PALLD: variants seen among roughly 807,000 people sequenced by gnomAD.
The protein encoded by PALLD is palladin.
A neutral mutation model predicts 123.5 loss-of-function variants in PALLD; 61 were observed. That is an observed-to-expected ratio of 0.49 (90% CI 0.40 to 0.61). The LOEUF (loss-of-function observed/expected upper bound fraction) is 0.61. Among genes scored for constraint, PALLD ranks in the 20% least tolerant of loss-of-function variants. PALLD has a pLI of 0.00. For synonymous variants in PALLD, 465 were observed against 496.4 expected (o/e 0.94, Z 0.84); for missense variants, 1,273 against 1,377.0 (o/e 0.92, Z 1.20).
intron 10 of PALLD, chr4:168,833,077 C>CCAGAAGAAACA: frequency 3.9e-5 from 6 of 152,630 alleles, no homozygotes; most frequent in African/African-American, 1.2e-4. Flanking sequence ...CCGGCCCCGC[C>CCAGAAGAAACA]CCGGGGCTGG....
intron 10 of PALLD, among the ~76,000 whole-genome samples, chr4:168,882,264 G>A (rs1450161534): frequency 6.6e-6 from 1 of 152,126 alleles, no homozygotes; most frequent in Non-Finnish European, 1.5e-5. Context: ...CACTATCATC[G>A]TTACTCAAGA....
chr4:168,578,217 A>G (rs994557371), intron 2 of PALLD, among the ~76,000 whole-genome samples: 8 of 152,182 alleles, frequency 5.3e-5, no homozygotes, highest in Admixed American at 4.6e-4. Flanking sequence ...CTAATTGTGA[A>G]TCAAATAGCC....
chr4:168,857,137 C>A (rs1748724230), intron 10 of PALLD, among the ~76,000 whole-genome samples: 1 of 152,226 alleles, frequency 6.6e-6, no homozygotes, highest in East Asian at 1.9e-4. Flanking sequence ...CATGGCCATT[C>A]CTCGCCCTCC....
At chr4:168,650,220 T>C (rs1485903093) in intron 2 of PALLD, among the ~76,000 whole-genome samples, 5 of 152,158 alleles carry the variant, frequency 3.3e-5, no homozygotes, top group African/African-American at 1.2e-4. Flanking sequence ...GAAAGATTTA[T>C]ATTTGCTTGC....
At chr4:168,783,637 C>T (rs1736272343) in intron 10 of PALLD, among the ~76,000 whole-genome samples, 1 of 152,116 alleles carries the variant, frequency 6.6e-6, no homozygotes, top group Non-Finnish European at 1.5e-5. Flanking sequence ...CAGTAGCTTC[C>T]TCGTAGGGCT....
chr4:168,579,131 CT>C (rs1437379647), intron 2 of PALLD, among the ~76,000 whole-genome samples: 1 of 152,096 alleles, frequency 6.6e-6, no homozygotes, highest in African/African-American at 2.4e-5. Flanking sequence ...CTTTCAATCC[CT>C]AGAAAGTCCT....
intron 16 of PALLD, among the ~76,000 whole-genome samples, chr4:168,915,009 G>C (rs1409631496): frequency 1.3e-5 from 2 of 152,124 alleles, no homozygotes; most frequent in Non-Finnish European, 2.9e-5. Context: ...CCATTGTCTT[G>C]CATTATTCTC....
intron 2 of PALLD, among the ~76,000 whole-genome samples, chr4:168,657,895 G>A (rs766321781): frequency 6.6e-6 from 1 of 152,066 alleles, no homozygotes; most frequent in African/African-American, 2.4e-5. Flanking sequence ...TACGTAAATC[G>A]GACACCACCA....
chr4:168,587,601 T>C (rs1469113431), intron 2 of PALLD, among the ~76,000 whole-genome samples: 1 of 152,138 alleles, frequency 6.6e-6, no homozygotes, highest in African/African-American at 2.4e-5. Flanking sequence ...TTCCGTTTTT[T>C]CTCAAACCTC....
chr4:168,807,265 ACACACACACACG>A (rs942211597), intron 10 of PALLD, among the ~76,000 whole-genome samples: 3 of 149,996 alleles, frequency 2.0e-5, no homozygotes, highest in Non-Finnish European at 4.4e-5. Context: ...AGCTATGAGT[ACACACACACACG>A]CACACACACA....
chr4:168,534,996 A>G (rs1561219346), intron 2 of PALLD, among the ~76,000 whole-genome samples: 1 of 152,114 alleles, frequency 6.6e-6, no homozygotes, highest in Non-Finnish European at 1.5e-5. Context: ...ACATTTACAG[A>G]CCTTTTTTCT....
At chr4:168,909,697 G>T (rs2151370334) in intron 15 of PALLD, among the ~76,000 whole-genome samples, 1 of 152,230 alleles carries the variant, frequency 6.6e-6, no homozygotes, top group South Asian at 2.1e-4. Context: ...GTGCATCAGA[G>T]CCTACTAACT....
chr4:168,631,491 G>A, intron 2 of PALLD: 1 of 480,422 alleles, frequency 2.1e-6, no homozygotes, highest in Non-Finnish European at 2.7e-6. Flanking sequence ...ATAAGAGCAT[G>A]GAGTGAAGGG....
chr4:168,729,332 ATT>A (rs5863955), intron 10 of PALLD, among the ~76,000 whole-genome samples: 9 of 144,708 alleles, frequency 6.2e-5, no homozygotes, highest in Admixed American at 1.4e-4. Context: ...TACCTGGCTA[ATT>A]TTTTTTTTTT....
chr4:168,720,759 G>A (rs914967509), intron 10 of PALLD, among the ~76,000 whole-genome samples: 1 of 152,204 alleles, frequency 6.6e-6, no homozygotes, highest in Non-Finnish European at 1.5e-5. Context: ...TCATGTGAAG[G>A]TATTTGCATT....
At chr4:168,569,135 G>A (rs1040638645) in intron 2 of PALLD, among the ~76,000 whole-genome samples, 1 of 152,064 alleles carries the variant, frequency 6.6e-6, no homozygotes, top group Non-Finnish European at 1.5e-5. Flanking sequence ...CTGCCTTGGT[G>A]AGCATCTTAT....
In PALLD at chr4:168,546,272, G is replaced by A. The variant is rs141513455; in HGVS notation, c.908+33860G>A. ...AAGATCAGAGTGCTCAGAACATATC[G>A]GAAGCCAGTAAAAAATTCCAACGCC... is the stretch of plus-strand genomic sequence containing the variant. On this transcript the variant is annotated intron_variant, in intron 2 of 21. Transcript: ENST00000505667. 5.3e-5 allele frequency among the ~76,000 whole-genome samples: 8 copies of A among 151,888 alleles called. No individual in the cohort carries two copies. The East Asian group carries it at 5.8e-4, about 11-fold the overall frequency.
At chr4:168,827,853 C>A (rs1403086468) in intron 10 of PALLD, among the ~76,000 whole-genome samples, 1 of 152,124 alleles carries the variant, frequency 6.6e-6, no homozygotes, top group Non-Finnish European at 1.5e-5. Flanking sequence ...CAGTCTGGCC[C>A]ACATAGTGAA....
rs114127998 is a variant in PALLD, at chr4:168,805,395, G to A, written c.1965-85527G>A. Among the ~76,000 whole-genome samples the A allele has an allele frequency of 4.6e-3, 701 of 152,140 alleles. 7 individuals are homozygous for A. Among genetic ancestry groups the A allele is most frequent in the African/African-American group, 0.016 (657 of 41,456 alleles). On this transcript the variant is annotated intron_variant, in intron 10 of 21. Coordinates refer to ENST00000505667, the MANE Select transcript of PALLD (RefSeq NM_001166108.2). ...TGTGAACCCTAATACTGGTTAGAAG[G>A]ACATAAGAGAAGAGAGAAAGTAAAA...
Sources: gnomAD v4.1 joint callset for allele counts (sites outside exome capture counted in the v4.1 genomes callset) on GRCh38, gnomAD v4.1.1 for gene constraint, MANE v1.5 for transcripts, NCBI Gene and HGNC (gene_info 2026-07-23, HGNC 2026-07-21) for gene names.